The following ZNF410 variants were observed in gnomAD, a reference collection of about 807,000 sequenced individuals.
ZNF410 encodes zinc finger protein 410.
In ZNF410, 18 loss-of-function variants were observed where a neutral mutation model predicts 54.8. The ratio of observed to expected loss-of-function variants is 0.33; its 90% CI spans 0.23 to 0.49. The LOEUF is 0.49. Among genes scored for constraint, ZNF410 ranks in the 20% least tolerant of loss-of-function variants. ZNF410 has a pLI of 0.99. For missense variants in ZNF410, 405 were observed against 569.6 expected, an observed-to-expected ratio of 0.71 and a Z score of 2.94; for synonymous variants, 191 against 207.3, an observed-to-expected ratio of 0.92 and a Z score of 0.68.
At position 73,931,743 on chromosome 14, in the gene ZNF410, A is replaced by G. The variant is rs2055919387; in HGVS notation, c.*202A>G. 1.4e-5 allele frequency: 8 copies of G among 581,706 alleles called. No homozygotes were observed. The highest frequency in any genetic ancestry group is 2.5e-5 in the Non-Finnish European group (8 of 322,094). 36.0% of individuals were successfully genotyped at this position (581,706 alleles called of 1,614,324 possible). A position where few individuals can be genotyped will look rare whatever the true frequency, so the allele number is the denominator to read the frequency against. ...TAACTACCATCTGATCAGACAAGGA[A>G]TGAAGCAATGACTGTGGGCTGGGAA... On this transcript the variant is annotated 3_prime_UTR_variant, in exon 12 of 12. Transcript: ENST00000555044.
chr14:73,919,886 GTTTTTTTTT>G (rs1158550117), intron 8 of ZNF410, among the ~76,000 whole-genome samples: 1 of 62,026 alleles, frequency 1.6e-5, no homozygotes, highest in African/African-American at 6.2e-5. Flanking sequence ...TATTGTATAG[GTTTTTTTTT>G]TTTTTTTTTT....
chr14:73,897,191 A>G (rs1463512311), intron 4 of ZNF410, among the ~76,000 whole-genome samples: 1 of 152,194 alleles, frequency 6.6e-6, no homozygotes, highest in Non-Finnish European at 1.5e-5. Flanking sequence ...TAGCAAGAGC[A>G]ATTGTTACTG....
chr14:73,914,341 T>G (rs1309487838), intron 8 of ZNF410: 2 of 152,318 alleles, frequency 1.3e-5, no homozygotes, highest in Non-Finnish European at 2.9e-5. Flanking sequence ...ACCCAGCTAA[T>G]TTTTGTATTT....
chr14:73,926,166 T>C (rs1172066235), intron 11 of ZNF410, among the ~76,000 whole-genome samples: 1 of 152,220 alleles, frequency 6.6e-6, no homozygotes, highest in Non-Finnish European at 1.5e-5. Context: ...TATATTTCAG[T>C]ATATGCCTCT....
At chr14:73,921,986 G>A (rs781189067) in intron 9 of ZNF410, 80 bp from the exon 10 acceptor site, 1 of 1,542,002 alleles carries the variant, frequency 6.5e-7, no homozygotes, top group East Asian at 2.3e-5. Context: ...GAAAGAGAAG[G>A]CCAGCTTCTG....
intron 5 of ZNF410, among the ~76,000 whole-genome samples, chr14:73,900,499 G>A (rs998034082): frequency 2.8e-4 from 43 of 151,092 alleles, no homozygotes; most frequent in African/African-American, 1.0e-3. Context: ...TCAGCCTCCC[G>A]AGTAGCTGGG....
Position 73,930,217 on chromosome 14 carries a change from C to T in ZNF410, c.1399-1286C>T, listed in dbSNP as rs151317495. Among the ~76,000 whole-genome samples the T allele has an allele frequency of 4.4e-3, 673 of 152,286 alleles. 6 individuals carry two copies. The highest frequency in any genetic ancestry group is 0.016 in the African/African-American group (655 of 41,564). ...TGGCCTCCATTAAAAACACACTATT[C>T]TTAACTTTCCTGCCACACAGCATCA... On this transcript the variant is annotated intron_variant, in intron 11 of 11. Coordinates refer to ENST00000555044, the MANE Select transcript of ZNF410 (RefSeq NM_021188.3).
At chr14:73,924,048 A>G (rs1310339868) in intron 11 of ZNF410, among the ~76,000 whole-genome samples, 1 of 152,190 alleles carries the variant, frequency 6.6e-6, no homozygotes, top group Non-Finnish European at 1.5e-5. Context: ...TCATTCTGCT[A>G]TGGTCATATG....
chr14:73,917,331 G>C (rs1222919784), intron 8 of ZNF410, among the ~76,000 whole-genome samples: 1 of 151,976 alleles, frequency 6.6e-6, no homozygotes, highest in African/African-American at 2.4e-5. Flanking sequence ...ATGTAGATTT[G>C]CTTCAGTTTC....
chr14:73,892,290 T>G, intron 2 of ZNF410, 82 bp downstream of exon 2: 1 of 1,353,506 alleles, frequency 7.4e-7, no homozygotes, highest in Non-Finnish European at 1.0e-6. Context: ...TCAGCAAACT[T>G]TTTCTTTAAT....
intron 8 of ZNF410, chr14:73,915,828 A>G (rs1167564065): frequency 2.0e-5 from 3 of 152,212 alleles, no homozygotes; most frequent in Non-Finnish European, 4.4e-5. Flanking sequence ...TTTTACTGCT[A>G]GTAGTTGGTT....
chr14:73,914,674 G>A (rs2055636724), intron 8 of ZNF410: 1 of 145,424 alleles, frequency 6.9e-6, no homozygotes, highest in Admixed American at 7.0e-5. Flanking sequence ...TGTCACCCAG[G>A]CTGGAGTGCA....
At chr14:73,896,993 C>T (rs1431257164) in intron 4 of ZNF410, among the ~76,000 whole-genome samples, 2 of 151,948 alleles carry the variant, frequency 1.3e-5, no homozygotes, top group African/African-American at 4.8e-5. Flanking sequence ...GTCTGGGACC[C>T]TGGGAAAAAA....
rs144221242 is a variant in ZNF410 at position 73,895,745 on chromosome 14, A to C, written c.170-571A>C. ...TTTGGGAGGCCGAGGTGGGTGGATCACTTAAGGTCAGGAGTTTGAGACCAG... is the reference window on the plus strand; with the variant it reads ...TTTGGGAGGCCGAGGTGGGTGGATCCCTTAAGGTCAGGAGTTTGAGACCAG... On this transcript the variant is annotated intron_variant, in intron 3 of 11. Transcript: ENST00000555044. 4.3e-3 allele frequency among the ~76,000 whole-genome samples: 661 copies of C among 152,296 alleles called. 6 individuals carry two copies. The highest frequency in any genetic ancestry group is 0.015 in the African/African-American group (640 of 41,564).
At chr14:73,900,584 T>C (rs116237797) in intron 5 of ZNF410, among the ~76,000 whole-genome samples, 10,420 of 152,062 alleles carry the variant, frequency 0.069, 503 homozygotes, top group African/African-American at 0.14. Flanking sequence ...GTGTTGGCCA[T>C]GGCTGGTCTC....
intron 8 of ZNF410, among the ~76,000 whole-genome samples, chr14:73,911,842 TG>T (rs1385534027): frequency 6.7e-6 from 1 of 148,482 alleles, no homozygotes; most frequent in Non-Finnish European, 1.5e-5. Flanking sequence ...ATTGAGTTGT[TG>T]TTGTTGTTGT....
chr14:73,905,291 T>G (rs2055464088), intron 7 of ZNF410: 1 of 484,780 alleles, frequency 2.1e-6, no homozygotes, highest in African/African-American at 2.0e-5. Context: ...TAGACAGTGT[T>G]GATTTCTGTT....
chr14:73,918,843 C>T (rs1050214206), intron 8 of ZNF410, among the ~76,000 whole-genome samples: 1 of 150,528 alleles, frequency 6.6e-6, no homozygotes, highest in African/African-American at 2.4e-5. Context: ...GGACTACAGG[C>T]GCCCGCCACC....
chr14:73,909,549 G>T, intron 8 of ZNF410, 119 bp downstream of exon 8: 1 of 726,838 alleles, frequency 1.4e-6, no homozygotes, highest in Non-Finnish European at 2.2e-6. Flanking sequence ...AAGATAGAAA[G>T]CTTCTCATCA....
Sources: gnomAD v4.1 joint callset for allele counts (sites outside exome capture counted in the v4.1 genomes callset) on GRCh38, gnomAD v4.1.1 for gene constraint, MANE v1.5 for transcripts, NCBI Gene and HGNC (gene_info 2026-07-23, HGNC 2026-07-21) for gene names.